DSC1: variants seen among roughly 807,000 people sequenced by gnomAD.
DSC1 encodes desmocollin 1.
DSC1 carries 79 observed loss-of-function variants against 98.8 expected under a neutral mutation model. That is an observed-to-expected ratio of 0.80 (90% CI 0.67 to 0.96). The LOEUF is 0.96. Ranked by LOEUF, DSC1 falls within the 50% of genes least tolerant of loss-of-function variation. The pLI, the probability that DSC1 is intolerant of heterozygous loss-of-function variation, is 0.00. For synonymous variants in DSC1, 405 were observed against 372.1 expected, an observed-to-expected ratio of 1.09 and a Z score of -1.02; for missense variants, 1,115 against 1,075.9, an observed-to-expected ratio of 1.04 and a Z score of -0.51.
intron 14 of DSC1, chr18:31,132,330 T>C (rs1300353251): frequency 2.4e-6 from 1 of 419,646 alleles, no homozygotes; most frequent in Non-Finnish European, 4.2e-6. Context: ...TGATTTCTAG[T>C]CTCCAGATCT....
chr18:31,131,915 C>A (rs1988501807), intron 14 of DSC1, 73 bp from the exon 15 acceptor site: 2 of 1,538,070 alleles, frequency 1.3e-6, no homozygotes, highest in African/African-American at 1.4e-5. Context: ...TTTTTTTTCA[C>A]CATAGGCAAA....
intron 11 of DSC1, among the ~76,000 whole-genome samples, chr18:31,137,512 A>T (rs1324348751): frequency 2.6e-5 from 4 of 152,154 alleles, no homozygotes; most frequent in Admixed American, 1.3e-4. Context: ...CACTGTGCAT[A>T]TGTATACCAC....
In DSC1 at chr18:31,162,626, C is replaced by G; in HGVS notation, c.-32G>C. The G allele has an allele frequency of 6.2e-7, 1 of 1,609,376 alleles. No individual in the cohort carries two copies. The highest frequency in any genetic ancestry group is 1.1e-5 in the South Asian group (1 of 90,956). Reference sequence around the variant, plus strand: ...CAGTCCCAATGGCCAGGGACGGTGGCCAGATAACAGGGCAGCCTGGGATGC... The same window carrying G: ...CAGTCCCAATGGCCAGGGACGGTGGGCAGATAACAGGGCAGCCTGGGATGC... On this transcript the variant is annotated 5_prime_UTR_variant, in exon 1 of 16. Transcript: ENST00000257198.
At chr18:31,139,085 A>G (rs578176327) in intron 11 of DSC1, among the ~76,000 whole-genome samples, 2 of 152,082 alleles carry the variant, frequency 1.3e-5, no homozygotes, top group Admixed American at 6.6e-5. Context: ...TTAAAAACAT[A>G]TTTATAAATA....
intron 9 of DSC1, among the ~76,000 whole-genome samples, chr18:31,141,331 A>G (rs1382832687): frequency 4.6e-5 from 7 of 152,220 alleles, no homozygotes; most frequent in Admixed American, 1.3e-4. Flanking sequence ...TCAGGAGAAC[A>G]CAATGTCTGC....
At chr18:31,159,587 T>C (rs1040703866) in intron 1 of DSC1, 58 bp from the exon 2 acceptor site, 25 of 1,447,486 alleles carry the variant, frequency 1.7e-5, no homozygotes, top group African/African-American at 8.7e-5. Context: ...AATTTTCACA[T>C]TGTAGCTTTT....
chr18:31,156,074 G>C lies in DSC1; in HGVS notation c.440C>G (p.Ser147Trp). The C allele has an allele frequency of 6.2e-7, 1 of 1,614,120 alleles. No homozygotes were observed. The highest frequency in any genetic ancestry group is 2.2e-5 in the East Asian group (1 of 44,872). Residue 147 changes from serine (S) to tryptophan (W), a missense_variant, in exon 4 of 16, where the codon TCG (serine) becomes TGG (tryptophan). Transcript: ENST00000257198. ...APIPASLMEN[S>W]LGPFPQHVQQ... ...AACGTGTTGTGGAAATGGACCCAAC[G>C]AGTTCTCCATCAATGAAGCTGGAAT...
At chr18:31,148,300 A>G (rs577721549) in intron 6 of DSC1, among the ~76,000 whole-genome samples, 198 bp downstream of exon 6, 2 of 152,326 alleles carry the variant, frequency 1.3e-5, no homozygotes, top group South Asian at 4.1e-4. Flanking sequence ...TAAATTTAAG[A>G]AAGTGTGCTC....
At chr18:31,139,037 T>C (rs1988673105) in intron 11 of DSC1, among the ~76,000 whole-genome samples, 1 of 151,964 alleles carries the variant, frequency 6.6e-6, no homozygotes, top group Non-Finnish European at 1.5e-5. Flanking sequence ...ATTAGTATAA[T>C]AGTACATGTA....
At position 31,149,493 on chromosome 18, in the gene DSC1, G is replaced by A. The variant is rs1988916275; in HGVS notation, c.628-851C>T. Among the ~76,000 whole-genome samples the A allele has an allele frequency of 3.3e-5, 5 of 152,224 alleles. No individual in the cohort carries two copies. The South Asian group carries it at 1.0e-3, about 32-fold the overall frequency. On this transcript the variant is annotated intron_variant, in intron 5 of 15. Transcript: ENST00000257198. ...GTTCTAGAGATTTTGGCATTTTTGT[G>A]TGTGTCATGCATGTTCTCTTTTCTA... is the stretch of plus-strand genomic sequence containing the variant.
intron 15 of DSC1, 23 bp downstream of exon 15, chr18:31,131,571 A>T: frequency 6.2e-7 from 1 of 1,610,492 alleles, no homozygotes; most frequent in Non-Finnish European, 8.5e-7. Context: ...ATGTAATATG[A>T]CCTCAAAGAC....
intron 1 of DSC1, among the ~76,000 whole-genome samples, chr18:31,159,914 C>T (rs1989179288): frequency 6.6e-6 from 1 of 152,096 alleles, no homozygotes; most frequent in Non-Finnish European, 1.5e-5. Context: ...CATATATGCC[C>T]TAATTCTCTA....
intron 5 of DSC1, among the ~76,000 whole-genome samples, chr18:31,150,292 CACTACCATCATCACCACCACT>C (rs1568002656): frequency 6.9e-6 from 1 of 143,946 alleles, no homozygotes; most frequent in Non-Finnish European, 1.5e-5. Flanking sequence ...CCACCACCAC[CACTACCATCATCACCACCACT>C]ACTACCATCA....
At chr18:31,133,820 T>G in intron 13 of DSC1, 71 bp downstream of exon 13, 1 of 1,462,808 alleles carries the variant, frequency 6.8e-7, no homozygotes, top group Non-Finnish European at 9.1e-7. Flanking sequence ...TATAAAAAAC[T>G]TCCATGTTTT....
Position 31,159,537 on chromosome 18 carries a change from A to AAG in DSC1, c.64-9_64-8insCT, listed in dbSNP as rs1437428932. 1.2e-5 allele frequency: 19 copies of AAG among 1,584,628 alleles called. No homozygotes were observed. The highest frequency in any genetic ancestry group is 1.1e-5 in the Non-Finnish European group (13 of 1,170,724). On this transcript the variant is annotated splice_polypyrimidine_tract_variant and intron_variant, in intron 1 of 15. Coordinates refer to ENST00000257198, the MANE Select transcript of DSC1 (RefSeq NM_024421.2). ...GCAAAGTAATGTTAAAACCTCAAAA[A>AAG]AAAAAAAAGAAAAAATATCAGGAAT...
intron 7 of DSC1, among the ~76,000 whole-genome samples, chr18:31,144,618 TAGG>T (rs1482147526): frequency 6.6e-6 from 1 of 152,056 alleles, no homozygotes; most frequent in Non-Finnish European, 1.5e-5. Context: ...AAGGCATCAA[TAGG>T]AGAAGCACTA....
At chr18:31,145,465 A>T in intron 7 of DSC1, 146 bp downstream of exon 7, 1 of 758,928 alleles carries the variant, frequency 1.3e-6, no homozygotes, top group Non-Finnish European at 2.1e-6. Context: ...CTAAGGACCG[A>T]GGACATCTCC....
intron 15 of DSC1, 81 bp downstream of exon 15, chr18:31,131,513 G>C: frequency 6.5e-7 from 1 of 1,547,696 alleles, no homozygotes; most frequent in Non-Finnish European, 8.8e-7. Flanking sequence ...GGTATATGAG[G>C]AGTAAAACTT....
At position 31,140,292 on chromosome 18, in the gene DSC1, A is replaced by T; in HGVS notation, c.1270T>A (p.Tyr424Asn). The T allele has an allele frequency of 1.2e-6, 2 of 1,613,950 alleles. No individual in the cohort carries two copies. The highest frequency in any genetic ancestry group is 1.7e-6 in the Non-Finnish European group (2 of 1,179,840). The change falls in exon 10 of 16, where the codon TAT becomes AAT. Residue 424 changes from tyrosine to asparagine, a missense_variant. Tyr to Asn is a moderately radical substitution (Grantham distance 143). Transcript: ENST00000257198. ...AAAATAACTTGGCGATTGACTTCAT[A>T]GTTCAATGGCTGTTAAATAAGCATA... ...GVLCVVKPLNYEVNRQVILQV... is the reference protein window; with the variant it reads ...GVLCVVKPLNNEVNRQVILQV...
Sources: allele counts gnomAD v4.1 joint callset (sites outside exome capture counted in the v4.1 genomes callset), GRCh38; gene constraint gnomAD v4.1.1; transcripts MANE v1.5; gene names NCBI Gene and HGNC (gene_info 2026-07-23, HGNC 2026-07-21).